PCSK5: variants seen among roughly 807,000 people sequenced by gnomAD.
The protein encoded by PCSK5 is proprotein convertase subtilisin/kexin type 5.
A neutral mutation model predicts 233.2 loss-of-function variants in PCSK5; 129 were observed. That is an observed-to-expected ratio of 0.55 (90% confidence interval 0.48 to 0.64). The LOEUF (loss-of-function observed/expected upper bound fraction) is 0.64, where lower values mean the gene tolerates loss of function less well. PCSK5 is among the 30% of genes least tolerant of loss of function. The pLI is 0.00. For missense variants in PCSK5, 2,076 were observed against 2,430.1 expected, an observed-to-expected ratio of 0.85 and a Z score of 3.06; for synonymous variants, 825 against 879.2, an observed-to-expected ratio of 0.94 and a Z score of 1.09.
At chr9:76,268,372 G>A (rs966562736) in intron 24 of PCSK5, among the ~76,000 whole-genome samples, 9 of 152,136 alleles carry the variant, frequency 5.9e-5, no homozygotes, top group Admixed American at 6.5e-5. Flanking sequence ...ATAACACCAA[G>A]TGTTTTTTTA....
At chr9:76,329,993 A>G (rs1829480445) in intron 33 of PCSK5, among the ~76,000 whole-genome samples, 1 of 152,086 alleles carries the variant, frequency 6.6e-6, no homozygotes. Context: ...CGTGATCTCC[A>G]CATGCCTTTC....
intron 3 of PCSK5, among the ~76,000 whole-genome samples, chr9:75,999,447 C>T (rs1454193154): frequency 6.6e-6 from 1 of 152,188 alleles, no homozygotes; most frequent in Non-Finnish European, 1.5e-5. Flanking sequence ...GCAAACCAGT[C>T]ATTAGCATTG....
intron 24 of PCSK5, among the ~76,000 whole-genome samples, chr9:76,275,532 C>T (rs1786123496): frequency 6.6e-6 from 1 of 152,192 alleles, no homozygotes; most frequent in South Asian, 2.1e-4. Flanking sequence ...TCAAGTGATT[C>T]TCCTGCCTCA....
chr9:76,214,497 G>T (rs546906744), intron 20 of PCSK5, among the ~76,000 whole-genome samples: 4 of 152,242 alleles, frequency 2.6e-5, no homozygotes, highest in African/African-American at 9.6e-5. Context: ...TTAAGTCCCA[G>T]CTCTGGCAAC....
chr9:76,079,520 T>G (rs1397625837), intron 7 of PCSK5, among the ~76,000 whole-genome samples: 2 of 152,204 alleles, frequency 1.3e-5, no homozygotes, highest in African/African-American at 4.8e-5. Context: ...TGGTTTTATA[T>G]CTTGGAGCTT....
intron 7 of PCSK5, among the ~76,000 whole-genome samples, chr9:76,078,179 A>ATAT (rs979518808): frequency 6.6e-6 from 1 of 152,076 alleles, no homozygotes; most frequent in African/African-American, 2.4e-5. Flanking sequence ...TAGATCCTGG[A>ATAT]TATTAGACTT....
chr9:76,125,830 C>G (rs545617548), intron 9 of PCSK5, among the ~76,000 whole-genome samples: 1 of 152,122 alleles, frequency 6.6e-6, no homozygotes, highest in South Asian at 2.1e-4. Flanking sequence ...TGTTCTTTTC[C>G]GAATGGTTGC....
chr9:76,184,727 A>T lies in PCSK5; in HGVS notation c.2252A>T (p.His751Leu). 1 of 1,610,382 alleles carries T rather than the reference A, an allele frequency of 6.2e-7. No homozygotes were observed. Among genetic ancestry groups the T allele is most frequent in the Non-Finnish European group, 8.5e-7 (1 of 1,176,918 alleles). ...SENCKTCTEF[H>L]NCTECRDGLS... ...AACTGCAAGACATGTACTGAATTCC[A>T]TAACTGTACAGAATGTAGGGATGGG... The change falls in exon 17 of 38, where the codon CAT (histidine) becomes CTT (leucine). Residue 751 changes from histidine (H) to leucine (L), a missense_variant. Coordinates refer to ENST00000674117, the MANE Select transcript of PCSK5 (RefSeq NM_001372043.1).
intron 24 of PCSK5, among the ~76,000 whole-genome samples, chr9:76,282,120 CTTTTTTTTTTT>C (rs71372059): frequency 0.038 from 549 of 14,502 alleles, 3 homozygotes; most frequent in Middle Eastern, 0.17. Flanking sequence ...CTTTTCTTTG[CTTTTTTTTTTT>C]TTTTTTTTTT....
intron 9 of PCSK5, among the ~76,000 whole-genome samples, chr9:76,123,860 A>C (rs1832738967): frequency 6.6e-6 from 1 of 152,200 alleles, no homozygotes; most frequent in Non-Finnish European, 1.5e-5. Flanking sequence ...TATTTCTTTT[A>C]AATCAGTTCA....
At chr9:76,082,435 T>C (rs1381233688) in intron 7 of PCSK5, among the ~76,000 whole-genome samples, 1 of 152,240 alleles carries the variant, frequency 6.6e-6, no homozygotes, top group Non-Finnish European at 1.5e-5. Flanking sequence ...TGATTGATTC[T>C]TTGTTCATTC....
rs541256867 is a variant in PCSK5 at position 76,360,925 on chromosome 9, T to C, written c.*2003T>C. ...AAAAGCTATTCTCAGTTCACAGCAT[T>C]ACAAGAACAGGTGGTGGGTCAGATT... On this transcript the variant is annotated 3_prime_UTR_variant, in exon 38 of 38. Transcript: ENST00000674117. The C allele has an allele frequency of 1.3e-5, 2 of 152,340 alleles. No individual in the cohort carries two copies. Among genetic ancestry groups the C allele is most frequent in the Admixed American group, 1.3e-4 (2 of 15,300 alleles). 9.4% of individuals were successfully genotyped at this position (152,340 alleles called of 1,614,324 possible). A position where few individuals can be genotyped will look rare whatever the true frequency, so the allele number is the denominator to read the frequency against.
intron 22 of PCSK5, among the ~76,000 whole-genome samples, chr9:76,235,955 G>T (rs192690710): frequency 2.6e-5 from 4 of 152,312 alleles, no homozygotes; most frequent in East Asian, 3.9e-4. Flanking sequence ...TCCAGCCGGG[G>T]TGTCCCATCA....
intron 12 of PCSK5, among the ~76,000 whole-genome samples, chr9:76,162,433 G>A (rs1014297598): frequency 2.6e-5 from 4 of 152,118 alleles, no homozygotes; most frequent in African/African-American, 9.7e-5. Flanking sequence ...CCAGAATGGA[G>A]AGCTGGGAAC....
At chr9:76,193,433 A>C (rs1308506726) in intron 20 of PCSK5, 3 of 1,124,142 alleles carry the variant, frequency 2.7e-6, no homozygotes, top group Non-Finnish European at 3.6e-6. Flanking sequence ...AAAAAGAAAA[A>C]AAAAAAAAGC....
chr9:76,257,440 T>A (rs1272646036), intron 24 of PCSK5, among the ~76,000 whole-genome samples: 1 of 152,006 alleles, frequency 6.6e-6, no homozygotes, highest in Non-Finnish European at 1.5e-5. Flanking sequence ...CAACGATGAG[T>A]GTCAGTAAAT....
At chr9:75,959,780 T>C (rs1825261461) in intron 2 of PCSK5, among the ~76,000 whole-genome samples, 1 of 152,202 alleles carries the variant, frequency 6.6e-6, no homozygotes, top group Non-Finnish European at 1.5e-5. Flanking sequence ...GAAAAGACTA[T>C]TTATTGGATA....
chr9:76,053,561 G>A (rs188619677), intron 5 of PCSK5, among the ~76,000 whole-genome samples: 24 of 152,156 alleles, frequency 1.6e-4, no homozygotes, highest in African/African-American at 5.5e-4. Context: ...TCTCTCTCAC[G>A]TTCAAATTTC....
intron 7 of PCSK5, among the ~76,000 whole-genome samples, chr9:76,073,233 C>T (rs958223963): frequency 3.9e-5 from 6 of 152,138 alleles, no homozygotes; most frequent in East Asian, 1.9e-4. Context: ...CCCACATCTT[C>T]GTGGGATTTT....
Sources: gnomAD v4.1 joint callset for allele counts (sites outside exome capture counted in the v4.1 genomes callset) on GRCh38, gnomAD v4.1.1 for gene constraint, MANE v1.5 for transcripts, NCBI Gene and HGNC (gene_info 2026-07-23, HGNC 2026-07-21) for gene names.